TJAP1: variants seen among roughly 807,000 people sequenced by gnomAD.
TJAP1 encodes tight junction-associated protein 1.
In TJAP1, 27 loss-of-function variants were observed where a neutral mutation model predicts 42.0. That is an observed-to-expected ratio of 0.64 (90% CI 0.47 to 0.89). The LOEUF (loss-of-function observed/expected upper bound fraction) is 0.89, where lower values mean the gene tolerates loss of function less well. Ranked by LOEUF, TJAP1 falls within the 40% of genes least tolerant of loss-of-function variation. The pLI, the probability that TJAP1 is intolerant of heterozygous loss-of-function variation, is 0.00. For synonymous variants in TJAP1, 257 were observed against 288.4 expected (o/e 0.89, Z 1.10); for missense variants, 712 against 726.9 (o/e 0.98, Z 0.24).
rs70990192 is a variant in TJAP1, at chr6:43,501,707, G to GACACACACACACAC, written c.290+59_290+72dup. Reference sequence around the variant, plus strand: ...CCGCAGGTGTGGGAATGAGGGGCCAGACACACACACACACACACACACACA... The same window carrying GACACACACACACAC: ...CCGCAGGTGTGGGAATGAGGGGCCAGACACACACACACACACACACACACACACACACACACACA... On this transcript the variant is annotated intron_variant, in intron 6 of 10. Coordinates refer to ENST00000372449, the Ensembl canonical transcript of TJAP1. 73 of 571,836 alleles carry GACACACACACACAC rather than the reference G, an allele frequency of 1.3e-4. No individual in the cohort carries two copies. The highest frequency in any genetic ancestry group is 5.2e-4 in the South Asian group (29 of 55,420). 35.4% of individuals were successfully genotyped at this position (571,836 alleles called of 1,614,324 possible).
intron 6 of TJAP1, among the ~76,000 whole-genome samples, chr6:43,502,076 A>ACACTCTCTCTCTCTCTCTCTCTCTCT (rs767085594): frequency 1.5e-5 from 1 of 68,930 alleles, no homozygotes; most frequent in Non-Finnish European, 2.7e-5. Context: ...ACACACACAC[A>ACACTCTCTCTCTCTCTCTCTCTCTCT]CTCTCTCTCT....
At chr6:43,502,227 G>C in intron 6 of TJAP1, 56 bp from the exon 7 acceptor site, 1 of 1,590,604 alleles carries the variant, frequency 6.3e-7, no homozygotes. Flanking sequence ...AGGCTGAACA[G>C]AGCCTGAAGA....
At position 43,505,822 on chromosome 6, in the gene TJAP1, C is replaced by T. The variant is rs775054772; in HGVS notation, c.1641C>T (p.Thr547=). The T allele has an allele frequency of 5.4e-6, 8 of 1,492,092 alleles. No individual in the cohort carries two copies. The highest frequency in any genetic ancestry group is 3.6e-6 in the Non-Finnish European group (4 of 1,125,314). 92.4% of individuals were successfully genotyped at this position (1,492,092 alleles called of 1,614,324 possible). ...ACCTGCACCGCAAGGACAGCCTGACCCAGGCCCAGGAGCAGGGCAACCTGC... is the reference window on the plus strand; with the variant it reads ...ACCTGCACCGCAAGGACAGCCTGACTCAGGCCCAGGAGCAGGGCAACCTGC... Residue 547 remains threonine (T), a synonymous_variant, in exon 11 of 11, where the codon ACC becomes ACT. Transcript: ENST00000372449. The surrounding 1 kb of genome is among the most constrained non-coding windows in gnomAD (Gnocchi z 5.5).
exon 2 of TJAP1, chr6:43,478,161 C>G (rs555635110): frequency 6.6e-6 from 1 of 152,210 alleles, no homozygotes; most frequent in African/African-American, 2.4e-5. Flanking sequence ...GCCCCAGGGA[C>G]TGGAAGAAAT....
In TJAP1 at chr6:43,492,493, C is replaced by T. The variant is rs192470149; in HGVS notation, c.-121-5388C>T. On this transcript the variant is annotated intron_variant, in intron 2 of 10. Transcript: ENST00000372449. This position sits in a 1 kb window ranked among gnomAD's most constrained non-coding sequence, Gnocchi z 4.2. ...AGCTGTTGGCTGCCTGCCTGCCACG[C>T]GCCCGGGATTGCTGAAGGCTTTACT... Among the ~76,000 whole-genome samples the T allele has an allele frequency of 2.6e-5, 4 of 152,274 alleles. No individual in the cohort carries two copies. The highest frequency in any genetic ancestry group is 3.9e-4 in the East Asian group (2 of 5,186).
chr6:43,478,691 T>G (rs537639093), intron 2 of TJAP1: 1 of 152,386 alleles, frequency 6.6e-6, no homozygotes, highest in Admixed American at 6.5e-5. Context: ...GAATTCATTC[T>G]CGCTGTGTGT....
At position 43,502,076 on chromosome 6, in the gene TJAP1, A is replaced by ACACACACACACACACACTCT. The variant is rs767085594; in HGVS notation, c.291-206_291-205insACACACACACACACACTCTC. ...CACACACACACACACACACACACAC[A>ACACACACACACACACACTCT]CTCTCTCTCTCTCTCTCTCTCTCTC... On this transcript the variant is annotated intron_variant, in intron 6 of 10. Transcript: ENST00000372449. Among the ~76,000 whole-genome samples the ACACACACACACACACACTCT allele has an allele frequency of 4.8e-4, 33 of 68,956 alleles. 3 individuals are homozygous for ACACACACACACACACACTCT. Among genetic ancestry groups the ACACACACACACACACACTCT allele is most frequent in the African/African-American group, 2.4e-3 (32 of 13,116 alleles). The allele number at this position is 68,956 out of a possible 152,430, so 45.2% of individuals were successfully genotyped here.
chr6:43,485,965 A>G (rs1371577347), intron 2 of TJAP1, among the ~76,000 whole-genome samples: 4 of 145,850 alleles, frequency 2.7e-5, no homozygotes, highest in African/African-American at 1.0e-4. Flanking sequence ...TAGCCTTTTT[A>G]TGTTTTTTTT....
intron 8 of TJAP1, 104 bp from the exon 9 acceptor site, chr6:43,503,297 C>T: frequency 9.7e-6 from 8 of 826,250 alleles, no homozygotes; most frequent in South Asian, 6.1e-5. Context: ...GCCTTGGCTG[C>T]CCTAGCACCT....
intron 5 of TJAP1, 155 bp downstream of exon 5, chr6:43,500,927 G>A (rs777528731): frequency 3.2e-5 from 26 of 822,874 alleles, no homozygotes; most frequent in Non-Finnish European, 4.8e-5. Context: ...TGTTGATGTT[G>A]TGGATATTTT....
Position 43,505,573 on chromosome 6 carries a change from C to T in TJAP1, c.1392C>T (p.Pro464=), listed in dbSNP as rs200579380. Residue 464 remains proline (P), a synonymous_variant, in exon 11 of 11, where the codon CCC becomes CCT. Transcript: ENST00000372449. This position sits in a 1 kb window ranked among gnomAD's most constrained non-coding sequence, Gnocchi z 5.5. ...TGGTCCAGGCACCTTCTGCCCGACC[C>T]GAAGAGAGTGAGCTTTTGCTACCCA... 235 of 1,613,726 alleles carry T rather than the reference C, an allele frequency of 1.5e-4. No individual in the cohort carries two copies. Among genetic ancestry groups the T allele is most frequent in the Non-Finnish European group, 1.1e-4 (134 of 1,180,028 alleles).
chr6:43,501,557 C>T lies in TJAP1; in HGVS notation c.160C>T (p.Arg54Trp), dbSNP rs138122245. 1.4e-5 allele frequency: 22 copies of T among 1,613,734 alleles called. No homozygotes were observed. The African/African-American group carries it at 2.0e-4, about 15-fold the overall frequency. The stretch of plus-strand genomic sequence containing the variant: ...ACAGGAGGAGAATGAAGAGCTTCGC[C>T]GGCGCCTGGCCTCCGCCACCAGACG... Residue 54 changes from arginine to tryptophan, a missense_variant, in exon 6 of 11, where the codon CGG becomes TGG. Coordinates refer to ENST00000372449, the Ensembl canonical transcript of TJAP1.
Position 43,505,462 on chromosome 6 carries a change from T to C in TJAP1, c.1281T>C (p.Ala427=). The stretch of plus-strand genomic sequence containing the variant: ...TGGACCGTACTCCACCACCTGCTGC[T>C]GTGGCCCAGCGCACAGCCTTTGGAC... The change falls in exon 11 of 11, where the codon GCT becomes GCC. Residue 427 remains alanine (A), a synonymous_variant. Transcript: ENST00000372449. The surrounding 1 kb of genome is among the most constrained non-coding windows in gnomAD (Gnocchi z 5.5). 1.2e-6 allele frequency: 2 copies of C among 1,613,570 alleles called. No individual in the cohort carries two copies. The highest frequency in any genetic ancestry group is 1.7e-6 in the Non-Finnish European group (2 of 1,180,030).
At chr6:43,499,299 T>C (rs1789977417) in intron 4 of TJAP1, among the ~76,000 whole-genome samples, 199 bp downstream of exon 4, 1 of 152,228 alleles carries the variant, frequency 6.6e-6, no homozygotes, top group African/African-American at 2.4e-5. Flanking sequence ...TGTGAGTATA[T>C]GTCCACATGT....
intron 2 of TJAP1, among the ~76,000 whole-genome samples, chr6:43,489,159 T>G (rs1231084754): frequency 1.3e-5 from 2 of 152,214 alleles, no homozygotes; most frequent in Non-Finnish European, 2.9e-5. Flanking sequence ...TGCCACTGCT[T>G]TTGCCTCATT....
At chr6:43,500,857 T>C (rs1180437416) in intron 5 of TJAP1, 85 bp downstream of exon 5, 19 of 1,512,420 alleles carry the variant, frequency 1.3e-5, no homozygotes, top group South Asian at 3.4e-5. Context: ...AGTTGGACTT[T>C]CCCTTGGATT....
At chr6:43,502,441 G>A (rs1791148407) in intron 7 of TJAP1, 92 bp downstream of exon 7, 4 of 1,524,052 alleles carry the variant, frequency 2.6e-6, no homozygotes, top group Non-Finnish European at 3.6e-6. Context: ...TCTGCCCTGG[G>A]GCTTGAGGGA....
At position 43,502,631 on chromosome 6, in the gene TJAP1, TTG is replaced by T. The variant is rs745450902; in HGVS notation, c.387+20_387+21del. The T allele has an allele frequency of 8.9e-5, 138 of 1,551,616 alleles. No individual in the cohort carries two copies. Among genetic ancestry groups the T allele is most frequent in the Non-Finnish European group, 1.1e-4 (128 of 1,146,992 alleles). The stretch of plus-strand genomic sequence containing the variant: ...TGGATTTTTGCAGTTGCGTCTGAGT[TTG>T]TGTGTCTTCTCCCTTGCCCTGGCCT... On this transcript the variant is annotated intron_variant, in intron 8 of 10. Transcript: ENST00000372449.
At position 43,501,758 on chromosome 6, in the gene TJAP1, A is replaced by ACACACACACT. The variant is rs1423256237; in HGVS notation, c.290+72_290+73insACACACACTC. On this transcript the variant is annotated intron_variant, in intron 6 of 10. Transcript: ENST00000372449. ...CACACACACACACACACACACACAC[A>ACACACACACT]CTCTCTCTGTCTCTCTCTCTCTCTG... 2.0e-3 allele frequency: 1,003 copies of ACACACACACT among 492,720 alleles called. 7 individuals are homozygous for ACACACACACT. Among genetic ancestry groups the ACACACACACT allele is most frequent in the African/African-American group, 0.014 (397 of 28,998 alleles). 30.5% of individuals were successfully genotyped at this position (492,720 alleles called of 1,614,324 possible).
Sources: gnomAD v4.1 joint callset for allele counts (sites outside exome capture counted in the v4.1 genomes callset) on GRCh38, gnomAD v4.1.1 for gene constraint, Gnocchi (gnomAD v3.1) non-coding constraint, MANE v1.5 for transcripts, NCBI Gene and HGNC (gene_info 2026-07-23, HGNC 2026-07-21) for gene names.